Variants in MYH9 observed in about 807,000 individuals in gnomAD.
The protein encoded by MYH9 is myosin-9.
MYH9 carries 29 observed loss-of-function variants against 241.9 expected under a neutral mutation model. That is an observed-to-expected ratio of 0.12 (90% confidence interval 0.09 to 0.16). The LOEUF (loss-of-function observed/expected upper bound fraction) is 0.16, where lower values mean the gene tolerates loss of function less well. MYH9 is among the 10% of genes least tolerant of loss of function. MYH9 has a pLI of 1.00. For missense variants in MYH9, 1,803 were observed against 2,595.5 expected (o/e 0.69, Z 6.63); for synonymous variants, 1,047 against 1,062.6 (o/e 0.99, Z 0.29).
intron 3 of MYH9, among the ~76,000 whole-genome samples, chr22:36,338,921 G>T (rs2017541602): frequency 6.6e-6 from 1 of 152,138 alleles, no homozygotes; most frequent in Non-Finnish European, 1.5e-5. Context: ...ATCATGAAGA[G>T]ACCCTGAATT....
At chr22:36,294,697 AG>A (rs1299573148) in intron 27 of MYH9, among the ~76,000 whole-genome samples, 1 of 152,256 alleles carries the variant, frequency 6.6e-6, no homozygotes, top group Non-Finnish European at 1.5e-5. Flanking sequence ...TGATGTTCAA[AG>A]TAACGATGTA....
At position 36,330,065 on chromosome 22, in the gene MYH9, GCA is replaced by G. The variant is rs2017398651; in HGVS notation, c.491-2579_491-2578del. On this transcript the variant is annotated intron_variant, in intron 3 of 40. Coordinates refer to ENST00000216181, the MANE Select transcript of MYH9 (RefSeq NM_002473.6). This position sits in a 1 kb window ranked among gnomAD's most constrained non-coding sequence, Gnocchi z 4.5. ...TGCACACACACGGATGTATGCACAGGCACACACACTTCAAATTCCGAAACCCC... is the reference window on the plus strand; with the variant it reads ...TGCACACACACGGATGTATGCACAGGCACACACTTCAAATTCCGAAACCCC... 1.3e-5 allele frequency among the ~76,000 whole-genome samples: 2 copies of G among 152,290 alleles called. No homozygotes were observed. The highest frequency in any genetic ancestry group is 2.1e-4 in the South Asian group (1 of 4,822).
chr22:36,302,786 C>T (rs538645993), intron 19 of MYH9, 110 bp from the exon 20 acceptor site: 3 of 895,040 alleles, frequency 3.4e-6, no homozygotes, highest in Non-Finnish European at 3.6e-6. Context: ...CCTGGGGCAC[C>T]TCAAGAAAGA....
chr22:36,302,518 T>C (rs1455391389), intron 20 of MYH9, 50 bp downstream of exon 20: 1 of 1,427,076 alleles, frequency 7.0e-7, no homozygotes, highest in South Asian at 1.1e-5. Flanking sequence ...GTATGTATGG[T>C]GGTGTGCACC....
intron 34 of MYH9, 124 bp from the exon 35 acceptor site, chr22:36,286,970 T>A: frequency 7.0e-7 from 1 of 1,436,600 alleles, no homozygotes; most frequent in Non-Finnish European, 9.6e-7. Flanking sequence ...TTTAACCAAC[T>A]AACCGTGGTG....
intron 3 of MYH9, among the ~76,000 whole-genome samples, chr22:36,331,741 G>A (rs2017423620): frequency 6.6e-6 from 1 of 152,222 alleles, no homozygotes; most frequent in South Asian, 2.1e-4. Flanking sequence ...ACCTCCCGAG[G>A]TTCCAGCATG....
chr22:36,347,141 G>A (rs568291409), intron 2 of MYH9, among the ~76,000 whole-genome samples: 35 of 152,232 alleles, frequency 2.3e-4, no homozygotes, highest in African/African-American at 7.9e-4. Flanking sequence ...CCCAGAGCCC[G>A]TTGCCTCTGG....
Position 36,288,623 on chromosome 22 carries a change from G to T in MYH9, c.4770+104C>A. The T allele has an allele frequency of 7.0e-7, 1 of 1,435,406 alleles. No individual in the cohort carries two copies. The highest frequency in any genetic ancestry group is 1.1e-5 in the South Asian group (1 of 87,182). The allele number at this position is 1,435,406 out of a possible 1,614,324, so 88.9% of individuals were successfully genotyped here. A position where few individuals can be genotyped will look rare whatever the true frequency, so the allele number is the denominator to read the frequency against. On this transcript the variant is annotated intron_variant, in intron 33 of 40. Transcript: ENST00000216181. The surrounding 1 kb of genome is among the most constrained non-coding windows in gnomAD (Gnocchi z 4.8). ...AGAAGGAATATGGGAGGGGAGGCGT[G>T]GTCAAGGGGCCCTAACACAATCCAG...
chr22:36,328,298 G>A (rs770837848), intron 3 of MYH9, among the ~76,000 whole-genome samples: 1 of 152,250 alleles, frequency 6.6e-6, no homozygotes, highest in Non-Finnish European at 1.5e-5. Context: ...CCCAGTACAG[G>A]AGGGGCAGTA....
At chr22:36,361,925 C>A (rs1228097279) in intron 1 of MYH9, among the ~76,000 whole-genome samples, 1 of 152,116 alleles carries the variant, frequency 6.6e-6, no homozygotes, top group Non-Finnish European at 1.5e-5. Context: ...CAAAAATTAG[C>A]CAGGCGTGAT....
rs1461696496 is a variant in MYH9 at position 36,316,559 on chromosome 22, G to A, written c.1338C>T (p.Ser446=). Residue 446 remains serine (S), a synonymous_variant, in exon 12 of 41, where the codon TCC becomes TCT. Transcript: ENST00000216181. ...CGGCAATGTCCAGGATCCCGATGAA[G>A]GAGGCGCCCTGCCTCTTGGTCTTGT... is the stretch of plus-strand genomic sequence containing the variant. The part of the protein sequence containing the change: ...ALDKTKRQGA[S]FIGILDIAGF... The A allele has an allele frequency of 6.2e-7, 1 of 1,613,972 alleles. No individual in the cohort carries two copies. Among genetic ancestry groups the A allele is most frequent in the Non-Finnish European group, 8.5e-7 (1 of 1,180,024 alleles).
rs905913339 is a variant in MYH9, at chr22:36,295,351, C to G, written c.3485+154G>C. ...AGACTTTCTACTCTGTAGAGAGAAA[C>G]CGCTGAGGAACCAGCAGCTTCCATG... On this transcript the variant is annotated intron_variant, in intron 26 of 40. Transcript: ENST00000216181. This position sits in a 1 kb window ranked among gnomAD's most constrained non-coding sequence, Gnocchi z 4.1. Among the ~76,000 whole-genome samples, 1 of 152,128 alleles carries G rather than the reference C, an allele frequency of 6.6e-6. No homozygotes were observed. The highest frequency in any genetic ancestry group is 2.4e-5 in the African/African-American group (1 of 41,434).
chr22:36,293,431 G>C lies in MYH9; in HGVS notation c.3993C>G (p.Leu1331=). 3.1e-6 allele frequency: 5 copies of C among 1,613,898 alleles called. No homozygotes were observed. Among genetic ancestry groups the C allele is most frequent in the Non-Finnish European group, 4.2e-6 (5 of 1,180,030 alleles). The change falls in exon 30 of 41, where the codon CTC becomes CTG. Residue 1331 remains leucine (L), a synonymous_variant. Coordinates refer to ENST00000216181, the MANE Select transcript of MYH9 (RefSeq NM_002473.6). This position sits in a 1 kb window ranked among gnomAD's most constrained non-coding sequence, Gnocchi z 5.1. ...NRQKLSLSTK[L]KQVEDEKNSF... is the part of the protein sequence containing the mutation. Reference sequence around the variant, plus strand: ...AATTCTTCTCGTCCTCCACCTGCTTGAGCTTGGTGCTCAGGCTCAGCTTCT... The same window carrying C: ...AATTCTTCTCGTCCTCCACCTGCTTCAGCTTGGTGCTCAGGCTCAGCTTCT...
rs532531863 is a variant in MYH9, at chr22:36,384,475, C to T, written c.-20+3332G>A. Among the ~76,000 whole-genome samples the T allele has an allele frequency of 5.9e-3, 833 of 142,296 alleles. 9 individuals are homozygous for T. Among genetic ancestry groups the T allele is most frequent in the African/African-American group, 0.018 (675 of 37,952 alleles). The allele number at this position is 142,296 out of a possible 152,430, so 93.4% of individuals were successfully genotyped here. On this transcript the variant is annotated intron_variant, in intron 1 of 40. Coordinates refer to ENST00000216181, the MANE Select transcript of MYH9 (RefSeq NM_002473.6). ...GTGGGCACCTGTAATCCCAGCTACT[C>T]GGGAGGCTGAGGCAGGAGAATTGCT...
rs2016932757 is a variant in MYH9, at chr22:36,304,140, G to A, written c.2245C>T (p.Leu749Phe). The change falls in exon 19 of 41, where the codon CTC becomes TTC. Residue 749 changes from leucine to phenylalanine, a missense_variant. Physicochemically the swap from Leu to Phe is conservative, Grantham distance 22. Around this residue, in one of 11 missense-constraint regions of MYH9, gnomAD observed 72 missense variants for 83.3 expected, o/e 0.86. Transcript: ENST00000216181. ...CCAATGCGGTACAGATTGCTGTCGA[G>A]CTCCAGGGCTTTTATCTAGGTGGGA... is the stretch of plus-strand genomic sequence containing the variant. ...ACVLMIKALE[L>F]DSNLYRIGQS... 5.6e-6 allele frequency: 9 copies of A among 1,613,522 alleles called. No individual in the cohort carries two copies. Among genetic ancestry groups the A allele is most frequent in the Non-Finnish European group, 7.6e-6 (9 of 1,180,016 alleles).
chr22:36,369,213 A>T (rs2018055891), intron 1 of MYH9, among the ~76,000 whole-genome samples: 1 of 152,164 alleles, frequency 6.6e-6, no homozygotes, highest in Non-Finnish European at 1.5e-5. Flanking sequence ...CTTTCTGTCT[A>T]ACATAGGTTT....
At chr22:36,324,814 T>C (rs933042304) in intron 5 of MYH9, among the ~76,000 whole-genome samples, 1 of 152,216 alleles carries the variant, frequency 6.6e-6, no homozygotes, top group Non-Finnish European at 1.5e-5. Flanking sequence ...ACGGGGTGCC[T>C]ACCAAAGTCT....
chr22:36,366,139 G>C lies in MYH9; in HGVS notation c.-19-16884C>G, dbSNP rs973868255. 5.3e-5 allele frequency among the ~76,000 whole-genome samples: 8 copies of C among 152,248 alleles called. No homozygotes were observed. The East Asian group carries it at 1.5e-3, about 29-fold the overall frequency. The stretch of plus-strand genomic sequence containing the variant: ...GGAGGCAGAATTTGCAGTGAGCCAA[G>C]ATCCTGCCACTGCACTCCAGCCTGG... On this transcript the variant is annotated intron_variant, in intron 1 of 40. Coordinates refer to ENST00000216181, the MANE Select transcript of MYH9 (RefSeq NM_002473.6).
At chr22:36,387,355 C>A (rs988090780) in intron 1 of MYH9, among the ~76,000 whole-genome samples, 1 of 152,260 alleles carries the variant, frequency 6.6e-6, no homozygotes, top group Non-Finnish European at 1.5e-5. Context: ...GAAACTTCCA[C>A]GGGAGCGGCT....
Sources: allele counts gnomAD v4.1 joint callset (sites outside exome capture counted in the v4.1 genomes callset), GRCh38; gene constraint gnomAD v4.1.1; regional missense constraint gnomAD v4.1.1; non-coding constraint Gnocchi (gnomAD v3.1); transcripts MANE v1.5; gene names NCBI Gene and HGNC (gene_info 2026-07-23, HGNC 2026-07-21).